The following ADGRV1 variants were observed in gnomAD, a reference collection of about 807,000 sequenced individuals.
The protein encoded by ADGRV1 is adhesion G protein-coupled receptor V1.
Under a neutral mutation model 596.2 loss-of-function variants are expected in ADGRV1, and 359 were observed. The observed-to-expected ratio is 0.60, with a 90% CI of 0.55 to 0.66. ADGRV1 has a LOEUF of 0.66. ADGRV1 is among the 30% of genes least tolerant of loss of function. The pLI, the probability that ADGRV1 is intolerant of heterozygous loss-of-function variation, is 0.00. For missense variants in ADGRV1, 7,274 were observed against 7,575.6 expected (o/e 0.96, Z 1.48); for synonymous variants, 2,681 against 2,679.2 (o/e 1.00, Z -0.02).
At chr5:90,812,919 C>T (rs1478362077) in intron 74 of ADGRV1, among the ~76,000 whole-genome samples, 1 of 151,606 alleles carries the variant, frequency 6.6e-6, no homozygotes, top group Non-Finnish European at 1.5e-5. Context: ...ATCACGAGGT[C>T]AGGAGATCGA....
intron 84 of ADGRV1, among the ~76,000 whole-genome samples, chr5:90,968,150 A>G (rs1778644551): frequency 6.6e-6 from 1 of 152,178 alleles, no homozygotes; most frequent in South Asian, 2.1e-4. Flanking sequence ...GAAAGGGTGG[A>G]CTATGTAGCT....
chr5:91,039,257 A>G (rs1242471970), intron 85 of ADGRV1, among the ~76,000 whole-genome samples: 1 of 152,182 alleles, frequency 6.6e-6, no homozygotes, highest in Non-Finnish European at 1.5e-5. Flanking sequence ...GATACCCAAG[A>G]TGTTTTCACG....
intron 18 of ADGRV1, among the ~76,000 whole-genome samples, chr5:90,652,027 A>G (rs570425239): frequency 2.2e-4 from 34 of 151,758 alleles, no homozygotes; most frequent in African/African-American, 8.0e-4. Flanking sequence ...CTTCTCTCAG[A>G]TGATATGTGA....
At chr5:90,896,834 A>C (rs896522544) in intron 83 of ADGRV1, among the ~76,000 whole-genome samples, 2 of 152,228 alleles carry the variant, frequency 1.3e-5, no homozygotes, top group African/African-American at 4.8e-5. Flanking sequence ...TAGCCTTATC[A>C]TGAACTCCTT....
In ADGRV1 at chr5:90,776,584, C is replaced by CT. The variant is rs1561706475; in HGVS notation, c.12527+10dup. On this transcript the variant is annotated intron_variant, in intron 61 of 89. Transcript: ENST00000405460. ...TGGTACCGCTATTATCAGGTAAGGA[C>CT]TTCATGATTTTTCTTTGCCTATATG... The CT allele has an allele frequency of 6.2e-7, 1 of 1,613,042 alleles. No individual in the cohort carries two copies. The highest frequency in any genetic ancestry group is 8.5e-7 in the Non-Finnish European group (1 of 1,179,288).
intron 47 of ADGRV1, 63 bp downstream of exon 47, chr5:90,725,295 T>C (rs1272738026): frequency 4.7e-6 from 5 of 1,070,208 alleles, no homozygotes; most frequent in Non-Finnish European, 6.5e-6. Context: ...TTTGTAAGAT[T>C]GTTCAAATTG....
intron 77 of ADGRV1, among the ~76,000 whole-genome samples, chr5:90,839,809 T>C (rs753121952): frequency 9.2e-5 from 14 of 152,218 alleles, no homozygotes; most frequent in Non-Finnish European, 1.8e-4. Context: ...GGTAAAAATC[T>C]ATCATTAATT....
intron 57 of ADGRV1, among the ~76,000 whole-genome samples, chr5:90,757,660 A>G (rs1232027579): frequency 6.6e-6 from 1 of 152,238 alleles, no homozygotes; most frequent in Non-Finnish European, 1.5e-5. Context: ...TAAAACTTGA[A>G]AAATTGAAAA....
At chr5:90,760,372 A>G (rs1319739774) in intron 58 of ADGRV1, among the ~76,000 whole-genome samples, 1 of 152,120 alleles carries the variant, frequency 6.6e-6, no homozygotes, top group Non-Finnish European at 1.5e-5. Flanking sequence ...ATTAAGGGCC[A>G]ATCCTCCAGC....
chr5:90,688,416 G>C (rs887222612), intron 29 of ADGRV1, among the ~76,000 whole-genome samples: 9 of 152,190 alleles, frequency 5.9e-5, no homozygotes, highest in African/African-American at 2.2e-4. Context: ...GGAGTGCAGT[G>C]GTGTGATCTT....
At position 91,025,964 on chromosome 5, in the gene ADGRV1, C is replaced by T. The variant is rs1051784145; in HGVS notation, c.18152+40442C>T. ...TGCTGAGATAATAACCAAGAAAATG[C>T]CGTCTAATAATGACGGTAATACTTA... On this transcript the variant is annotated intron_variant, in intron 85 of 89. Coordinates refer to ENST00000405460, the MANE Select transcript of ADGRV1 (RefSeq NM_032119.4). Among the ~76,000 whole-genome samples the T allele has an allele frequency of 1.5e-4, 23 of 152,066 alleles. 1 individual carries two copies. The highest frequency in any genetic ancestry group is 1.4e-3 in the Admixed American group (22 of 15,258).
At chr5:90,852,022 T>A (rs111912052) in intron 79 of ADGRV1, among the ~76,000 whole-genome samples, 2,592 of 152,256 alleles carry the variant, frequency 0.017, 80 homozygotes, top group African/African-American at 0.059. Context: ...CCATTGAAGA[T>A]GTGGTGACTT....
rs781282530 is a variant in ADGRV1, at chr5:91,163,832, G to A, written c.18853G>A (p.Gly6285Arg). ...DNESGQGSQE[G>R]GTLTDSQIVE... ...TGAATCTGGTCAAGGCAGCCAGGAG[G>A]GGGGCACCTTGACTGACTCCCAGAT... The change falls in exon 90 of 90, where the codon GGG becomes AGG. Residue 6285 changes from glycine to arginine, a missense_variant. By Grantham distance (125) the Gly-to-Arg change is moderately radical (BLOSUM62 -2). Transcript: ENST00000405460. The A allele has an allele frequency of 6.8e-6, 11 of 1,607,024 alleles. No homozygotes were observed. The highest frequency in any genetic ancestry group is 6.7e-5 in the East Asian group (3 of 44,776).
At chr5:90,784,231 G>A (rs1759183311) in intron 67 of ADGRV1, among the ~76,000 whole-genome samples, 174 bp downstream of exon 67, 1 of 152,074 alleles carries the variant, frequency 6.6e-6, no homozygotes, top group East Asian at 1.9e-4. Flanking sequence ...AATGTATAAG[G>A]CATACATCTG....
chr5:91,121,428 G>A (rs1257847432), intron 87 of ADGRV1, among the ~76,000 whole-genome samples: 2 of 151,872 alleles, frequency 1.3e-5, no homozygotes, highest in African/African-American at 4.8e-5. Context: ...GAGACAACAG[G>A]CTATTTTTGT....
intron 64 of ADGRV1, among the ~76,000 whole-genome samples, chr5:90,780,881 G>T (rs1057499352): frequency 1.3e-5 from 2 of 152,048 alleles, no homozygotes; most frequent in Admixed American, 1.3e-4. Flanking sequence ...TTTAAAATTA[G>T]TTTTTAGTAG....
rs569063879 is a variant in ADGRV1 at position 90,801,532 on chromosome 5, GT to G, written c.14518-1195del. Among the ~76,000 whole-genome samples the G allele has an allele frequency of 6.9e-3, 986 of 142,978 alleles. 8 individuals carry two copies. Among genetic ancestry groups the G allele is most frequent in the South Asian group, 0.048 (217 of 4,510 alleles). The allele number at this position is 142,978 out of a possible 152,430, so 93.8% of individuals were successfully genotyped here. The stretch of plus-strand genomic sequence containing the variant: ...ATTAAAATTTTTCTGTGATTTATTT[GT>G]TTTTTTTTTTTAGCACTTGACCCAT... On this transcript the variant is annotated intron_variant, in intron 70 of 89. Coordinates refer to ENST00000405460, the MANE Select transcript of ADGRV1 (RefSeq NM_032119.4).
intron 86 of ADGRV1, among the ~76,000 whole-genome samples, chr5:91,080,990 T>A (rs1789312731): frequency 6.6e-6 from 1 of 152,142 alleles, no homozygotes; most frequent in African/African-American, 2.4e-5. Context: ...GCCTGGTGTA[T>A]TAGCTCAGGC....
chr5:91,056,826 G>T (rs1013299944), intron 85 of ADGRV1, among the ~76,000 whole-genome samples: 1 of 152,148 alleles, frequency 6.6e-6, no homozygotes, highest in African/African-American at 2.4e-5. Flanking sequence ...GTTGCAAGTT[G>T]TCTCCACTGC....
Sources: gnomAD v4.1 joint callset for allele counts (sites outside exome capture counted in the v4.1 genomes callset) on GRCh38, gnomAD v4.1.1 for gene constraint, MANE v1.5 for transcripts, NCBI Gene and HGNC (gene_info 2026-07-23, HGNC 2026-07-21) for gene names.